The following PTPRT variants were observed in gnomAD, a reference collection of about 807,000 sequenced individuals.
PTPRT encodes the protein receptor-type tyrosine-protein phosphatase T.
Under a neutral mutation model 176.8 loss-of-function variants are expected in PTPRT, and 56 were observed. The ratio of observed to expected loss-of-function variants is 0.32; its 90% CI spans 0.26 to 0.40. The LOEUF (loss-of-function observed/expected upper bound fraction) is 0.40. Among genes scored for constraint, PTPRT ranks in the 10% least tolerant of loss-of-function variants. PTPRT has a pLI of 1.00. For missense variants in PTPRT, 1,540 were observed against 1,908.2 expected (o/e 0.81, Z 3.60); for synonymous variants, 783 against 739.0 (o/e 1.06, Z -0.96).
chr20:43,042,469 C>T (rs947173902), intron 1 of PTPRT, among the ~76,000 whole-genome samples: 16 of 152,054 alleles, frequency 1.1e-4, no homozygotes, highest in African/African-American at 2.2e-4. Flanking sequence ...TAGCAGATCC[C>T]GGCTGCAGGA....
intron 2 of PTPRT, among the ~76,000 whole-genome samples, chr20:42,848,841 T>C (rs947544858): frequency 3.9e-5 from 6 of 152,278 alleles, no homozygotes; most frequent in East Asian, 1.9e-4. Context: ...TTTATCTTTG[T>C]TTTTGTCGAA....
intron 16 of PTPRT, among the ~76,000 whole-genome samples, chr20:42,167,996 G>A (rs987551674): frequency 2.0e-5 from 3 of 152,150 alleles, no homozygotes; most frequent in African/African-American, 7.2e-5. Context: ...CACACATGTT[G>A]TATGTTATAT....
At chr20:42,851,855 T>C (rs534904962) in intron 2 of PTPRT, among the ~76,000 whole-genome samples, 21 of 152,336 alleles carry the variant, frequency 1.4e-4, no homozygotes, top group Middle Eastern at 6.8e-3. Context: ...TCTATGCTTA[T>C]GTACGGACTG....
At chr20:42,496,547 TTGTCCGC>T (rs1360828423) in intron 7 of PTPRT, among the ~76,000 whole-genome samples, 1 of 152,132 alleles carries the variant, frequency 6.6e-6, no homozygotes, top group Non-Finnish European at 1.5e-5. Context: ...CTCTAACAAG[TTGTCCGC>T]TGTTAATTCT....
At chr20:42,776,858 A>T (rs939572117) in intron 4 of PTPRT, among the ~76,000 whole-genome samples, 16 of 149,148 alleles carry the variant, frequency 1.1e-4, no homozygotes, top group Non-Finnish European at 2.2e-4. Flanking sequence ...ATGCTTGTAC[A>T]ATTATATAAT....
At chr20:42,269,618 T>C (rs1568725320) in intron 13 of PTPRT, among the ~76,000 whole-genome samples, 1 of 152,210 alleles carries the variant, frequency 6.6e-6, no homozygotes, top group Non-Finnish European at 1.5e-5. Flanking sequence ...ACTCCACCTA[T>C]GGTACACTTG....
chr20:43,080,508 T>G (rs1323850720), intron 1 of PTPRT, among the ~76,000 whole-genome samples: 1 of 152,250 alleles, frequency 6.6e-6, no homozygotes, highest in Non-Finnish European at 1.5e-5. Flanking sequence ...TTGAGATCAC[T>G]GTATGGTTAT....
chr20:42,061,271 T>G, the PTPRT span, among the ~76,000 whole-genome samples: 1 of 152,104 alleles, frequency 6.6e-6, no homozygotes, highest in Non-Finnish European at 1.5e-5. Context: ...TTTTCAGAGT[T>G]TCTTAAAAGT....
intron 1 of PTPRT, among the ~76,000 whole-genome samples, chr20:43,180,421 AAG>A (rs1333913224): frequency 7.0e-6 from 1 of 143,302 alleles, no homozygotes; most frequent in Non-Finnish European, 1.5e-5. Flanking sequence ...TATATATAGA[AAG>A]AGAGGGAGAG....
At chr20:42,474,366 C>T (rs1025114969) in intron 7 of PTPRT, among the ~76,000 whole-genome samples, 30 of 152,182 alleles carry the variant, frequency 2.0e-4, no homozygotes, top group African/African-American at 7.0e-4. Context: ...TGTCGGCGTC[C>T]TACCAAGGAA....
At chr20:42,278,688 G>T (rs1481352692) in intron 13 of PTPRT, among the ~76,000 whole-genome samples, 1 of 152,166 alleles carries the variant, frequency 6.6e-6, no homozygotes, top group African/African-American at 2.4e-5. Context: ...CCCTTGGCCT[G>T]CTCTGTCTCA....
intron 1 of PTPRT, among the ~76,000 whole-genome samples, chr20:42,929,331 G>A (rs139636262): frequency 9.4e-4 from 143 of 152,372 alleles, no homozygotes; most frequent in Non-Finnish European, 1.7e-3. Flanking sequence ...CCGAAGTGTG[G>A]AGACATGTTT....
chr20:42,110,929 T>G (rs1050040372), intron 22 of PTPRT, among the ~76,000 whole-genome samples: 2 of 152,218 alleles, frequency 1.3e-5, no homozygotes, highest in African/African-American at 4.8e-5. Flanking sequence ...TCTGATATTC[T>G]GTAGTGTTCC....
rs577632700 is a variant in PTPRT at position 42,216,748 on chromosome 20, C to A, written c.2343-17360G>T. ...GCTTCCCCGTGTCTACGACTTGACC[C>A]TTTTCATCAATTTCTGCACCAAATT... is the stretch of plus-strand genomic sequence containing the variant. On this transcript the variant is annotated intron_variant, in intron 15 of 30. Transcript: ENST00000373187. Among the ~76,000 whole-genome samples, 45 of 152,292 alleles carry A rather than the reference C, an allele frequency of 3.0e-4. 1 individual carries two copies. Among genetic ancestry groups the A allele is most frequent in the African/African-American group, 1.0e-3 (43 of 41,570 alleles).
intron 6 of PTPRT, among the ~76,000 whole-genome samples, chr20:42,753,818 C>T (rs1264838343): frequency 6.6e-6 from 1 of 152,234 alleles, no homozygotes; most frequent in Admixed American, 6.5e-5. Context: ...CTTGGTTTCT[C>T]TTCCCATAGC....
intron 9 of PTPRT, among the ~76,000 whole-genome samples, chr20:42,386,516 G>A (rs1003081896): frequency 4.6e-5 from 7 of 152,144 alleles, no homozygotes; most frequent in Admixed American, 6.5e-5. Context: ...ACAAACCAAA[G>A]GGAAGAGGGA....
At chr20:42,977,635 G>C (rs1030638608) in intron 1 of PTPRT, among the ~76,000 whole-genome samples, 1 of 151,880 alleles carries the variant, frequency 6.6e-6, no homozygotes, top group Non-Finnish European at 1.5e-5. Flanking sequence ...GTACTAGATT[G>C]TATATAAAGG....
rs2055474749 is a variant in PTPRT at position 42,206,690 on chromosome 20, G to GTCCA, written c.2343-7303_2343-7302insTGGA. ...CAGTCTGAGATCAAACTGCAAGGTG[G>GTCCA]CAGCGAGGCTGGGGGAGGGGCACCC... is the stretch of plus-strand genomic sequence containing the variant. On this transcript the variant is annotated intron_variant, in intron 15 of 30. Transcript: ENST00000373187. Among the ~76,000 whole-genome samples, 47 of 152,348 alleles carry GTCCA rather than the reference G, an allele frequency of 3.1e-4. 1 individual carries two copies. The South Asian group carries it at 8.1e-3, about 26-fold the overall frequency.
chr20:43,134,404 G>A (rs2013756810), intron 1 of PTPRT, among the ~76,000 whole-genome samples: 1 of 152,130 alleles, frequency 6.6e-6, no homozygotes, highest in Admixed American at 6.5e-5. Flanking sequence ...TCCCTCACTT[G>A]AAATCTGAAG....
Sources: gnomAD v4.1 joint callset for allele counts (sites outside exome capture counted in the v4.1 genomes callset) on GRCh38, gnomAD v4.1.1 for gene constraint, MANE v1.5 for transcripts, NCBI Gene and HGNC (gene_info 2026-07-23, HGNC 2026-07-21) for gene names.